Variants in GSPT1 observed in about 807,000 individuals in gnomAD.
The protein encoded by GSPT1 is eukaryotic peptide chain release factor GTP-binding subunit ERF3A.
Under a neutral mutation model 72.5 loss-of-function variants are expected in GSPT1, and 20 were observed. The observed-to-expected ratio is 0.28, with a 90% confidence interval of 0.19 to 0.40. The LOEUF (loss-of-function observed/expected upper bound fraction) is 0.40. GSPT1 is among the 10% of genes least tolerant of loss of function. The pLI, the probability that GSPT1 is intolerant of heterozygous loss-of-function variation, is 1.00. For missense variants in GSPT1, 580 were observed against 811.9 expected, an observed-to-expected ratio of 0.71 and a Z score of 3.47; for synonymous variants, 334 against 293.5, an observed-to-expected ratio of 1.14 and a Z score of -1.41.
chr16:11,892,152 A>C (rs1272145454), intron 5 of GSPT1, among the ~76,000 whole-genome samples: 2 of 149,332 alleles, frequency 1.3e-5, no homozygotes, highest in Non-Finnish European at 3.0e-5. Flanking sequence ...GAGACCAGCC[A>C]GTGCAACACA....
Position 11,875,754 on chromosome 16 carries a change from C to T in GSPT1, c.1861+7G>A. On this transcript the variant is annotated splice_region_variant and intron_variant, in intron 14 of 14. Coordinates refer to ENST00000434724, the MANE Select transcript of GSPT1 (RefSeq NM_002094.4). ...ATACTACTAGACGTCAGTTTAAAAG[C>T]TCTTACCCTCATCTCTTAAGGTGAA... The T allele has an allele frequency of 6.3e-7, 1 of 1,599,780 alleles. No individual in the cohort carries two copies. Among genetic ancestry groups the T allele is most frequent in the Non-Finnish European group, 8.5e-7 (1 of 1,174,838 alleles).
chr16:11,911,308 G>C (rs2054553634), intron 1 of GSPT1, among the ~76,000 whole-genome samples: 1 of 152,180 alleles, frequency 6.6e-6, no homozygotes, highest in Non-Finnish European at 1.5e-5. Context: ...TTAAAACTGA[G>C]AATATTCTAA....
chr16:11,909,388 A>G (rs2054529418), intron 1 of GSPT1, among the ~76,000 whole-genome samples: 1 of 152,226 alleles, frequency 6.6e-6, no homozygotes, highest in African/African-American at 2.4e-5. Flanking sequence ...AACAATCAAC[A>G]GCTAAAAACT....
rs1236968702 is a variant in GSPT1 at position 11,868,298 on chromosome 16, C to T, written c.*4821G>A. ...AGCTTTCTTTCCTACCTAGAGCACT[C>T]TTCCATGCTTTGGAATTAGGCTAAA... is the stretch of plus-strand genomic sequence containing the variant. On this transcript the variant is annotated 3_prime_UTR_variant, in exon 15 of 15. Coordinates refer to ENST00000434724, the MANE Select transcript of GSPT1 (RefSeq NM_002094.4). 2 of 151,520 alleles carry T rather than the reference C, an allele frequency of 1.3e-5. No homozygotes were observed. The highest frequency in any genetic ancestry group is 2.4e-5 in the African/African-American group (1 of 41,170). 9.4% of individuals were successfully genotyped at this position (151,520 alleles called of 1,614,324 possible). A position where few individuals can be genotyped will look rare whatever the true frequency, so the allele number is the denominator to read the frequency against.
chr16:11,892,823 C>T (rs765937224), intron 5 of GSPT1, among the ~76,000 whole-genome samples: 1 of 42,884 alleles, frequency 2.3e-5, no homozygotes, highest in Non-Finnish European at 3.3e-5. Flanking sequence ...GATAGAGATT[C>T]TGTCTCAAAA....
intron 1 of GSPT1, among the ~76,000 whole-genome samples, chr16:11,912,573 G>A (rs562945038): frequency 6.6e-6 from 1 of 152,238 alleles, no homozygotes; most frequent in South Asian, 2.1e-4. Flanking sequence ...TTAAAGGTGG[G>A]ATGATGCAAA....
At chr16:11,883,650 C>A (rs1275525846) in intron 10 of GSPT1, among the ~76,000 whole-genome samples, 1 of 150,290 alleles carries the variant, frequency 6.7e-6, no homozygotes, top group African/African-American at 2.5e-5. Context: ...CTCAGTGGCT[C>A]ACGCCTGTAA....
At chr16:11,915,091 C>G (rs557810617) in intron 1 of GSPT1, 1 of 1,290,674 alleles carries the variant, frequency 7.7e-7, no homozygotes, top group South Asian at 1.2e-5. Context: ...AAGTGGGTAA[C>G]TGCGGACTCC....
intron 7 of GSPT1, 76 bp downstream of exon 7, chr16:11,887,494 G>T: frequency 8.3e-7 from 1 of 1,202,400 alleles, no homozygotes; most frequent in Admixed American, 2.0e-5. Context: ...TGAGCTTTTA[G>T]AAGATAAATT....
intron 1 of GSPT1, among the ~76,000 whole-genome samples, chr16:11,913,440 C>T (rs918721671): frequency 6.6e-6 from 1 of 152,208 alleles, no homozygotes; most frequent in African/African-American, 2.4e-5. Flanking sequence ...TTTCGCATCT[C>T]CAATTTCTAG....
chr16:11,880,897 C>G (rs1358645170), intron 11 of GSPT1, among the ~76,000 whole-genome samples: 2 of 152,094 alleles, frequency 1.3e-5, no homozygotes, highest in African/African-American at 2.4e-5. Flanking sequence ...AAAGTCTGGC[C>G]TCTTTTTTAT....
At chr16:11,897,935 C>T in intron 2 of GSPT1, 54 bp from the exon 3 acceptor site, 1 of 1,431,776 alleles carries the variant, frequency 7.0e-7, no homozygotes, top group Non-Finnish European at 9.6e-7. Context: ...TCTAGCTTTA[C>T]ACACCATATA....
Position 11,897,878 on chromosome 16 carries a change from G to T in GSPT1, c.398C>A (p.Ser133Ter). Residue 133 changes from serine (S) to a stop codon, truncating the protein, a stop_gained, in exon 3 of 15, where the codon TCA (serine) becomes TAA (stop). Coordinates refer to ENST00000434724, the MANE Select transcript of GSPT1 (RefSeq NM_002094.4). LOFTEE classifies it high-confidence loss of function. Reference protein sequence around the residue: ...SQEEQSLCEGSNSAVSMELSE... With the variant: ...SQEEQSLCEG ...AAGTTCCATGCTAACAGCTGAATTTGAACCTAGACAAGAGATTGAAATATA... is the reference window on the plus strand; with the variant it reads ...AAGTTCCATGCTAACAGCTGAATTTTAACCTAGACAAGAGATTGAAATATA... 6.5e-7 allele frequency: 1 copy of T among 1,541,632 alleles called. No individual in the cohort carries two copies. The highest frequency in any genetic ancestry group is 1.2e-5 in the South Asian group (1 of 84,838).
chr16:11,890,003 C>T (rs2054238450), intron 6 of GSPT1, among the ~76,000 whole-genome samples: 1 of 150,620 alleles, frequency 6.6e-6, no homozygotes, highest in African/African-American at 2.4e-5. Flanking sequence ...CTCTGTTGCC[C>T]AGGCTGGAGT....
chr16:11,879,172 G>A (rs1418442962), intron 11 of GSPT1, among the ~76,000 whole-genome samples: 1 of 150,962 alleles, frequency 6.6e-6, no homozygotes, highest in Admixed American at 6.6e-5. Context: ...CAAGGTGGGT[G>A]GATCACAAGG....
chr16:11,886,243 T>A (rs2054185477), intron 9 of GSPT1, among the ~76,000 whole-genome samples: 1 of 152,010 alleles, frequency 6.6e-6, no homozygotes, highest in South Asian at 2.1e-4. Flanking sequence ...GTAGCCAGTA[T>A]TAAAAAGAAC....
At chr16:11,892,169 C>A (rs1043676953) in intron 5 of GSPT1, among the ~76,000 whole-genome samples, 4 of 148,762 alleles carry the variant, frequency 2.7e-5, no homozygotes, top group Non-Finnish European at 5.9e-5. Flanking sequence ...CACAGTGAGA[C>A]CATCTCCACA....
In GSPT1 at chr16:11,915,434, G is replaced by C; in HGVS notation, c.287C>G (p.Pro96Arg). The C allele has an allele frequency of 6.6e-7, 1 of 1,515,314 alleles. No homozygotes were observed. Among genetic ancestry groups the C allele is most frequent in the Middle Eastern group, 2.0e-4 (1 of 5,118 alleles). 93.9% of individuals were successfully genotyped at this position (1,515,314 alleles called of 1,614,324 possible). The change falls in exon 1 of 15, where the codon CCG (proline) becomes CGG (arginine). Residue 96 changes from proline (P) to arginine (R), a missense_variant. By Grantham distance (103) the Pro-to-Arg change is moderately radical. Transcript: ENST00000434724. ...VPSFLRGPAAPPPPVGGAANN... is the reference protein window; with the variant it reads ...VPSFLRGPAARPPPVGGAANN... ...GGCGGCGCCGCCAACTGGGGGTGGC[G>C]GCGCTGCCGGGCCCCGCAGGAAGGA...
In GSPT1 at chr16:11,915,919, G is replaced by A. The variant is rs1308020997; in HGVS notation, c.-199C>T. On this transcript the variant is annotated 5_prime_UTR_variant, in exon 1 of 15. Coordinates refer to ENST00000434724, the MANE Select transcript of GSPT1 (RefSeq NM_002094.4). Reference sequence around the variant, plus strand: ...ACTCGCGACGACGACAGAGGCGGCGGCGGCGGCAGCTCAACCCTCCTCCTC... The same window carrying A: ...ACTCGCGACGACGACAGAGGCGGCGACGGCGGCAGCTCAACCCTCCTCCTC... The A allele has an allele frequency of 5.0e-6, 4 of 805,304 alleles. No homozygotes were observed. The highest frequency in any genetic ancestry group is 1.7e-5 in the African/African-American group (1 of 59,154). The allele number at this position is 805,304 out of a possible 1,614,324, so 49.9% of individuals were successfully genotyped here.
Sources: gnomAD v4.1 joint callset for allele counts (sites outside exome capture counted in the v4.1 genomes callset) on GRCh38, gnomAD v4.1.1 for gene constraint, MANE v1.5 for transcripts, NCBI Gene and HGNC (gene_info 2026-07-23, HGNC 2026-07-21) for gene names.